CSMD1: variants seen among roughly 807,000 people sequenced by gnomAD.
CSMD1 encodes CUB and Sushi multiple domains 1, also known as CUB and sushi domain-containing protein 1.
A neutral mutation model predicts 417.5 loss-of-function variants in CSMD1; 213 were observed. The observed-to-expected ratio is 0.51, with a 90% confidence interval of 0.46 to 0.57. CSMD1 has a LOEUF of 0.57. Among genes scored for constraint, CSMD1 ranks in the 20% least tolerant of loss-of-function variants. CSMD1 has a pLI of 0.00. For synonymous variants in CSMD1, 2,862 were observed against 1,736.8 expected, an observed-to-expected ratio of 1.65 and a Z score of -16.11; for missense variants, 6,923 against 4,529.7, an observed-to-expected ratio of 1.53 and a Z score of -15.17.
At position 4,828,564 on chromosome 8, in the gene CSMD1, A is replaced by C. The variant is rs537275919; in HGVS notation, c.85+165768T>G. Among the ~76,000 whole-genome samples the C allele has an allele frequency of 2.0e-4, 31 of 152,216 alleles. No individual in the cohort carries two copies. In the South Asian group the frequency reaches 6.4e-3, roughly 32 times the overall value. On this transcript the variant is annotated intron_variant, in intron 1 of 69. Transcript: ENST00000635120. ...CTGTGCCTTCCTGTGCTCTTTCACA[A>C]ACTCCAGACTGTTGTGCCTACCACC...
intron 5 of CSMD1, among the ~76,000 whole-genome samples, chr8:3,995,824 T>C (rs1471266144): frequency 1.3e-5 from 2 of 152,182 alleles, no homozygotes; most frequent in Non-Finnish European, 2.9e-5. Context: ...GCAGCTAAGC[T>C]AACAGGCAAC....
At chr8:3,795,105 T>G (rs1799977023) in intron 5 of CSMD1, among the ~76,000 whole-genome samples, 1 of 98,266 alleles carries the variant, frequency 1.0e-5, no homozygotes. Context: ...ATCTATCATG[T>G]ACAGCTATAG....
intron 5 of CSMD1, among the ~76,000 whole-genome samples, chr8:3,890,192 C>G (rs1015230565): frequency 5.9e-5 from 9 of 152,012 alleles, no homozygotes; most frequent in Non-Finnish European, 1.3e-4. Context: ...ATCATATTCC[C>G]TAAGAAGAAT....
intron 1 of CSMD1, among the ~76,000 whole-genome samples, chr8:4,945,873 A>T (rs150320634): frequency 1.0e-3 from 157 of 152,334 alleles, no homozygotes; most frequent in African/African-American, 3.6e-3. Flanking sequence ...TTTGGCAGAC[A>T]ATCACAGAAA....
Position 4,601,709 on chromosome 8 carries a change from C to CA in CSMD1, c.302+35632dup, listed in dbSNP as rs1383979442. Among the ~76,000 whole-genome samples, 8 of 152,312 alleles carry CA rather than the reference C, an allele frequency of 5.3e-5. No individual in the cohort carries two copies. The East Asian group carries it at 1.5e-3, about 29-fold the overall frequency. On this transcript the variant is annotated intron_variant, in intron 2 of 69. Coordinates refer to ENST00000635120, the MANE Select transcript of CSMD1 (RefSeq NM_033225.6). The stretch of plus-strand genomic sequence containing the variant: ...CAATGAGGGGATCGTGATCTCCACT[C>CA]ACGGCATTATGACTTACAGTGCTTC...
intron 1 of CSMD1, among the ~76,000 whole-genome samples, chr8:4,792,198 A>G (rs1338052767): frequency 6.6e-6 from 1 of 152,158 alleles, no homozygotes; most frequent in Non-Finnish European, 1.5e-5. Flanking sequence ...AATAAACACA[A>G]TTAGCCAGAC....
At chr8:4,113,340 C>T (rs1193763160) in intron 3 of CSMD1, among the ~76,000 whole-genome samples, 3 of 148,944 alleles carry the variant, frequency 2.0e-5, no homozygotes. Flanking sequence ...CTGCACCCAA[C>T]AGCCAAGCTG....
chr8:3,209,673 G>T (rs1366452676), intron 30 of CSMD1, among the ~76,000 whole-genome samples: 1 of 152,106 alleles, frequency 6.6e-6, no homozygotes, highest in African/African-American at 2.4e-5. Context: ...TAAGAAACAG[G>T]CCTGGTGCTT....
intron 11 of CSMD1, among the ~76,000 whole-genome samples, chr8:3,476,357 G>A (rs970158000): frequency 6.6e-6 from 1 of 152,050 alleles, no homozygotes; most frequent in Non-Finnish European, 1.5e-5. Context: ...CCAATTCCCT[G>A]TCAAAGAATA....
At chr8:4,019,669 T>C (rs1409612858) in intron 4 of CSMD1, among the ~76,000 whole-genome samples, 1 of 152,144 alleles carries the variant, frequency 6.6e-6, no homozygotes, top group Non-Finnish European at 1.5e-5. Flanking sequence ...AAAGTGGCAG[T>C]TGTCTGAGAT....
chr8:4,610,915 A>T (rs999219001), intron 2 of CSMD1, among the ~76,000 whole-genome samples: 4 of 152,238 alleles, frequency 2.6e-5, no homozygotes, highest in Non-Finnish European at 4.4e-5. Context: ...AGGAGTTATA[A>T]TGACATAACT....
chr8:4,222,072 G>A (rs1377372666), intron 3 of CSMD1, among the ~76,000 whole-genome samples: 1 of 148,628 alleles, frequency 6.7e-6, no homozygotes, highest in Non-Finnish European at 1.5e-5. Flanking sequence ...CAATGACTTA[G>A]AAAAGCCATT....
intron 50 of CSMD1, among the ~76,000 whole-genome samples, chr8:3,045,209 C>T (rs1171586768): frequency 6.6e-6 from 1 of 152,142 alleles, no homozygotes; most frequent in Non-Finnish European, 1.5e-5. Flanking sequence ...TTTATTTCCT[C>T]ATGTTACTGA....
intron 5 of CSMD1, among the ~76,000 whole-genome samples, chr8:3,931,045 C>G (rs938006284): frequency 6.6e-6 from 1 of 150,376 alleles, no homozygotes; most frequent in Non-Finnish European, 1.5e-5. Context: ...ATCTTAACTG[C>G]GGTATGATCG....
At chr8:3,684,269 T>C (rs1421612063) in intron 7 of CSMD1, among the ~76,000 whole-genome samples, 13 of 143,742 alleles carry the variant, frequency 9.0e-5, no homozygotes, top group Admixed American at 2.9e-4. Flanking sequence ...TATATAGCTA[T>C]ATGTTATATA....
At chr8:3,439,932 C>A (rs912299648) in intron 12 of CSMD1, among the ~76,000 whole-genome samples, 37 of 152,164 alleles carry the variant, frequency 2.4e-4, no homozygotes, top group African/African-American at 8.2e-4. Context: ...CATTGAATTG[C>A]TTTGGCCCCT....
intron 7 of CSMD1, among the ~76,000 whole-genome samples, chr8:3,687,454 T>C (rs571419439): frequency 5.1e-4 from 78 of 152,360 alleles, no homozygotes; most frequent in African/African-American, 1.8e-3. Flanking sequence ...AAGCAGAGCC[T>C]TTATTGAGAA....
At chr8:4,834,956 CAAAAAAAA>C (rs1194297821) in intron 1 of CSMD1, among the ~76,000 whole-genome samples, 5 of 19,834 alleles carry the variant, frequency 2.5e-4, no homozygotes, top group African/African-American at 5.5e-4. Flanking sequence ...GACTCCATCT[CAAAAAAAA>C]AAAAAAAAAA....
chr8:3,651,453 G>C (rs778018274), intron 7 of CSMD1, among the ~76,000 whole-genome samples: 3 of 151,984 alleles, frequency 2.0e-5, no homozygotes, highest in Non-Finnish European at 2.9e-5. Context: ...CAGGGTCTGT[G>C]CACGTTCTGA....
Sources: gnomAD v4.1 joint callset for allele counts (sites outside exome capture counted in the v4.1 genomes callset) on GRCh38, gnomAD v4.1.1 for gene constraint, MANE v1.5 for transcripts, NCBI Gene and HGNC (gene_info 2026-07-23, HGNC 2026-07-21) for gene names.